KIAA0319L: variants seen among roughly 807,000 people sequenced by gnomAD.
The protein encoded by KIAA0319L is KIAA0319 like.
In KIAA0319L, 55 loss-of-function variants were observed where a neutral mutation model predicts 120.1. That is an observed-to-expected ratio of 0.46 (90% CI 0.37 to 0.57). The LOEUF is 0.57. Ranked by LOEUF, KIAA0319L falls within the 20% of genes least tolerant of loss-of-function variation. The probability of loss-of-function intolerance (pLI) is 0.00; values close to 1 mark genes in which losing one functional copy is unlikely to be tolerated. For missense variants in KIAA0319L, 1,049 were observed against 1,255.3 expected, an observed-to-expected ratio of 0.84 and a Z score of 2.48; for synonymous variants, 398 against 471.9, an observed-to-expected ratio of 0.84 and a Z score of 2.03.
At position 35,506,767 on chromosome 1, in the gene KIAA0319L, T is replaced by A; in HGVS notation, c.511A>T (p.Arg171Ter). 2 of 1,614,240 alleles carry A rather than the reference T, an allele frequency of 1.2e-6. No individual in the cohort carries two copies. Among genetic ancestry groups the A allele is most frequent in the Non-Finnish European group, 1.7e-6 (2 of 1,180,034 alleles). ...TGGTCACTGGAAGATACAGCAGGTC[T>A]GAGTGCAGCTCTGGGTGGGCTCTGC... ...WRQSPPRAAL[R>*]PAVSSSDQQS... is the part of the protein sequence containing the mutation. The change falls in exon 3 of 21, where the codon AGA becomes TGA. Residue 171 changes from arginine (R) to a stop codon, truncating the protein, a stop_gained. Transcript: ENST00000325722. LOFTEE classifies it high-confidence loss of function. This position sits in a 1 kb window ranked among gnomAD's most constrained non-coding sequence, Gnocchi z 4.0.
rs548100059 is a variant in KIAA0319L at position 35,441,230 on chromosome 1, G to A, written c.2871-92C>T. 3.0e-5 allele frequency: 32 copies of A among 1,074,746 alleles called. No individual in the cohort carries two copies. In the East Asian group the frequency reaches 7.3e-4, roughly 25 times the overall value. The allele number at this position is 1,074,746 out of a possible 1,614,324, so 66.6% of individuals were successfully genotyped here. ...GATGTGCATGCAGGGCCCTATTTTG[G>A]TGGGGCACCTACTGAGAGGGGTGTC... On this transcript the variant is annotated intron_variant, in intron 19 of 20. Transcript: ENST00000325722.
chr1:35,455,328 T>C (rs1642359802), intron 10 of KIAA0319L, among the ~76,000 whole-genome samples: 1 of 152,210 alleles, frequency 6.6e-6, no homozygotes, highest in Admixed American at 6.5e-5. Context: ...TAGTCAGGGC[T>C]TAAGTTCAGC....
chr1:35,436,177 A>G (rs1287626881), intron 20 of KIAA0319L, among the ~76,000 whole-genome samples: 2 of 152,154 alleles, frequency 1.3e-5, no homozygotes, highest in Non-Finnish European at 2.9e-5. Context: ...CCAGCCATTC[A>G]GCCCTTCCTG....
intron 2 of KIAA0319L, among the ~76,000 whole-genome samples, chr1:35,530,153 A>G (rs1473455388): frequency 6.6e-6 from 1 of 151,486 alleles, no homozygotes; most frequent in Non-Finnish European, 1.5e-5. Context: ...CTCCCACTTC[A>G]GCCTCCTGCG....
At chr1:35,521,698 A>C (rs961984838) in intron 2 of KIAA0319L, among the ~76,000 whole-genome samples, 1 of 147,090 alleles carries the variant, frequency 6.8e-6, no homozygotes, top group Non-Finnish European at 1.5e-5. Flanking sequence ...GTAGGCCGAG[A>C]GCGGTGGCTC....
At chr1:35,474,714 C>A (rs142927906) in intron 5 of KIAA0319L, 91 bp downstream of exon 5, 2 of 721,500 alleles carry the variant, frequency 2.8e-6, no homozygotes, top group African/African-American at 3.6e-5. Flanking sequence ...TCTCCTGAGC[C>A]CAGGAGTTTG....
At chr1:35,492,577 G>C (rs1460929516) in intron 3 of KIAA0319L, among the ~76,000 whole-genome samples, 1 of 151,848 alleles carries the variant, frequency 6.6e-6, no homozygotes, top group Non-Finnish European at 1.5e-5. Context: ...GTTTACTCCA[G>C]GAATGTAAGG....
At chr1:35,480,875 T>TAC (rs765395993) in intron 3 of KIAA0319L, among the ~76,000 whole-genome samples, 13 of 152,134 alleles carry the variant, frequency 8.5e-5, no homozygotes, top group Non-Finnish European at 1.8e-4. Flanking sequence ...TAAATATATA[T>TAC]ACCCATGTAA....
intron 3 of KIAA0319L, among the ~76,000 whole-genome samples, chr1:35,496,192 G>A (rs932753300): frequency 1.3e-5 from 2 of 152,160 alleles, no homozygotes; most frequent in Non-Finnish European, 2.9e-5. Context: ...GGTCGAAATG[G>A]GTATATCACT....
chr1:35,523,014 T>TAAA (rs58518920), intron 2 of KIAA0319L, among the ~76,000 whole-genome samples: 1,327 of 62,456 alleles, frequency 0.021, 37 homozygotes, highest in African/African-American at 0.065. Flanking sequence ...AAACTCCACA[T>TAAA]AAAAAAAAAA....
intron 3 of KIAA0319L, among the ~76,000 whole-genome samples, chr1:35,482,353 C>T (rs1644207442): frequency 2.0e-5 from 3 of 151,858 alleles, no homozygotes; most frequent in Non-Finnish European, 4.4e-5. Context: ...TATTCATTCA[C>T]CTATAGATGA....
At chr1:35,498,669 C>T (rs1200427658) in intron 3 of KIAA0319L, among the ~76,000 whole-genome samples, 2 of 152,196 alleles carry the variant, frequency 1.3e-5, no homozygotes, top group Non-Finnish European at 2.9e-5. Flanking sequence ...AAACTCTCAT[C>T]ACTATCTATT....
chr1:35,448,001 AGCGCATGTCACCT>A (rs1641762336), intron 16 of KIAA0319L, among the ~76,000 whole-genome samples, 159 bp downstream of exon 16: 1 of 152,222 alleles, frequency 6.6e-6, no homozygotes, highest in African/African-American at 2.4e-5. Context: ...TGTCTAGTAC[AGCGCATGTCACCT>A]GCACTAGAAG....
chr1:35,473,198 C>T (rs1488630581), intron 5 of KIAA0319L, among the ~76,000 whole-genome samples: 4 of 148,812 alleles, frequency 2.7e-5, no homozygotes, highest in South Asian at 2.1e-4. Flanking sequence ...TGGGTTCAAG[C>T]GATTCTCCTG....
At chr1:35,556,984 G>A (rs1295918880) in intron 1 of KIAA0319L, 1 of 152,380 alleles carries the variant, frequency 6.6e-6, no homozygotes, top group African/African-American at 2.4e-5. Flanking sequence ...GGGATGGAGG[G>A]AGCTGCATGA....
intron 4 of KIAA0319L, among the ~76,000 whole-genome samples, 159 bp downstream of exon 4, chr1:35,478,807 A>G (rs1477016166): frequency 6.6e-6 from 1 of 152,260 alleles, no homozygotes; most frequent in Admixed American, 6.5e-5. Flanking sequence ...GAAAGGCTCT[A>G]GAGCCCCCAG....
At chr1:35,480,150 T>C (rs1468252915) in intron 3 of KIAA0319L, among the ~76,000 whole-genome samples, 1 of 151,926 alleles carries the variant, frequency 6.6e-6, no homozygotes, top group Admixed American at 6.6e-5. Flanking sequence ...AGAATGAATG[T>C]AGGCACAAAA....
At chr1:35,503,227 C>T (rs994463381) in intron 3 of KIAA0319L, among the ~76,000 whole-genome samples, 1 of 152,192 alleles carries the variant, frequency 6.6e-6, no homozygotes, top group African/African-American at 2.4e-5. Context: ...ACAACAATTT[C>T]CTTCTACCCA....
At chr1:35,450,716 T>A (rs1641997762) in intron 13 of KIAA0319L, among the ~76,000 whole-genome samples, 1 of 152,178 alleles carries the variant, frequency 6.6e-6, no homozygotes, top group African/African-American at 2.4e-5. Context: ...AGAAATGTTC[T>A]CCTAACACTG....
Sources: gnomAD v4.1 joint callset for allele counts (sites outside exome capture counted in the v4.1 genomes callset) on GRCh38, gnomAD v4.1.1 for gene constraint, Gnocchi (gnomAD v3.1) non-coding constraint, MANE v1.5 for transcripts, NCBI Gene and HGNC (gene_info 2026-07-23, HGNC 2026-07-21) for gene names.